Variants in CSMD1 observed in about 807,000 individuals in gnomAD.
CSMD1 encodes CUB and Sushi multiple domains 1.
CSMD1 carries 213 observed loss-of-function variants against 417.5 expected under a neutral mutation model. The observed-to-expected ratio is 0.51, with a 90% CI of 0.46 to 0.57. The LOEUF is 0.57. Ranked by LOEUF, CSMD1 falls within the 20% of genes least tolerant of loss-of-function variation. The probability of loss-of-function intolerance (pLI) is 0.00; values close to 1 mark genes in which losing one functional copy is unlikely to be tolerated. For synonymous variants in CSMD1, 2,862 were observed against 1,736.8 expected (o/e 1.65, Z -16.11); for missense variants, 6,923 against 4,529.7 (o/e 1.53, Z -15.17).
chr8:4,734,292 A>T (rs1810086019), intron 1 of CSMD1, among the ~76,000 whole-genome samples: 1 of 152,188 alleles, frequency 6.6e-6, no homozygotes, highest in Non-Finnish European at 1.5e-5. Flanking sequence ...ATTGAGCAGT[A>T]CTAAAAAAGC....
chr8:4,243,697 C>T (rs779292434), intron 3 of CSMD1, among the ~76,000 whole-genome samples: 1 of 152,096 alleles, frequency 6.6e-6, no homozygotes, highest in Admixed American at 6.6e-5. Context: ...ATTTCCATCT[C>T]ATGGTATCGT....
intron 2 of CSMD1, among the ~76,000 whole-genome samples, chr8:4,465,748 T>C (rs983327866): frequency 3.3e-5 from 5 of 152,152 alleles, no homozygotes; most frequent in Admixed American, 6.5e-5. Context: ...CTCTAGTTTG[T>C]AGGTCATCTA....
chr8:3,135,813 C>A (rs1366544093), intron 41 of CSMD1, among the ~76,000 whole-genome samples: 1 of 152,118 alleles, frequency 6.6e-6, no homozygotes, highest in Admixed American at 6.6e-5. Flanking sequence ...GAAAGTGTTC[C>A]CAAAATGTTT....
chr8:4,541,726 C>T (rs994714761), intron 2 of CSMD1, among the ~76,000 whole-genome samples: 18 of 151,954 alleles, frequency 1.2e-4, no homozygotes, highest in African/African-American at 4.3e-4. Flanking sequence ...CAGAGTGAGA[C>T]CCTGTCTAAA....
intron 1 of CSMD1, among the ~76,000 whole-genome samples, chr8:4,851,661 G>T (rs141610199): frequency 2.0e-5 from 3 of 152,012 alleles, no homozygotes; most frequent in African/African-American, 7.2e-5. Context: ...AATGTCTCCT[G>T]CTCTCCCTCT....
At chr8:3,302,473 T>G (rs1563247242) in intron 25 of CSMD1, among the ~76,000 whole-genome samples, 1 of 152,194 alleles carries the variant, frequency 6.6e-6, no homozygotes, top group Non-Finnish European at 1.5e-5. Flanking sequence ...TATGTGTGAT[T>G]TGAGTTTCAC....
intron 37 of CSMD1, among the ~76,000 whole-genome samples, chr8:3,170,944 A>T (rs1009945072): frequency 6.6e-6 from 1 of 152,212 alleles, no homozygotes. Flanking sequence ...GCCATAATAA[A>T]GCGGGCACAC....
chr8:4,129,513 G>C (rs1052304469), intron 3 of CSMD1, among the ~76,000 whole-genome samples: 2 of 152,130 alleles, frequency 1.3e-5, no homozygotes, highest in African/African-American at 4.8e-5. Context: ...ATGACATTTT[G>C]CCAGGGCATA....
chr8:4,483,692 A>C (rs1801223138), intron 2 of CSMD1, among the ~76,000 whole-genome samples: 1 of 152,200 alleles, frequency 6.6e-6, no homozygotes, highest in South Asian at 2.1e-4. Flanking sequence ...AAAAGCACTG[A>C]TTTTGCTTGT....
chr8:4,639,202 C>T (rs934767170), intron 1 of CSMD1, among the ~76,000 whole-genome samples: 1 of 152,084 alleles, frequency 6.6e-6, no homozygotes, highest in African/African-American at 2.4e-5. Context: ...AAGTTACTTC[C>T]CACATACAAG....
Position 3,894,281 on chromosome 8 carries a change from T to C in CSMD1, c.818+103622A>G, listed in dbSNP as rs532888635. The stretch of plus-strand genomic sequence containing the variant: ...CATCTCCACACTGTAATCTACTTCC[T>C]GTGCACCTGTCTCGCTCCAGTCTCA... On this transcript the variant is annotated intron_variant, in intron 5 of 69. Transcript: ENST00000635120. Among the ~76,000 whole-genome samples the C allele has an allele frequency of 9.8e-5, 15 of 152,326 alleles. No homozygotes were observed. The East Asian group carries it at 2.9e-3, about 29-fold the overall frequency.
chr8:3,729,378 C>A (rs1363064830), intron 6 of CSMD1, among the ~76,000 whole-genome samples: 1 of 152,136 alleles, frequency 6.6e-6, no homozygotes, highest in African/African-American at 2.4e-5. Flanking sequence ...TCGCCTTGGG[C>A]TCAGTTGTGC....
chr8:3,183,446 A>G (rs1353875029), intron 36 of CSMD1, among the ~76,000 whole-genome samples: 1 of 110,290 alleles, frequency 9.1e-6, no homozygotes, highest in Non-Finnish European at 1.8e-5. Flanking sequence ...TCTAACGCCT[A>G]ATCTATCTAT....
rs1401225046 is a variant in CSMD1, at chr8:4,080,610, C to A, written c.416-48511G>T. On this transcript the variant is annotated intron_variant, in intron 3 of 69. Transcript: ENST00000635120. ...GATGTCATAGTTTTTATATTCCTTTCTGGAGTTTAGAAGCTAAATTTTATC... is the reference window on the plus strand; with the variant it reads ...GATGTCATAGTTTTTATATTCCTTTATGGAGTTTAGAAGCTAAATTTTATC... Among the ~76,000 whole-genome samples, 3 of 152,130 alleles carry A rather than the reference C, an allele frequency of 2.0e-5. No homozygotes were observed. In the East Asian group the frequency reaches 5.8e-4, roughly 29 times the overall value.
At chr8:3,962,944 G>C (rs974371970) in intron 5 of CSMD1, among the ~76,000 whole-genome samples, 2 of 151,864 alleles carry the variant, frequency 1.3e-5, no homozygotes, top group South Asian at 4.2e-4. Flanking sequence ...TTTTTGTTTC[G>C]TTTTGTTTTT....
chr8:3,279,941 T>C (rs890609283), intron 26 of CSMD1, among the ~76,000 whole-genome samples: 2 of 152,148 alleles, frequency 1.3e-5, no homozygotes, highest in Admixed American at 1.3e-4. Context: ...AAGGTGAGAT[T>C]TGGGTGGGGA....
intron 1 of CSMD1, among the ~76,000 whole-genome samples, chr8:4,882,754 T>C (rs940066896): frequency 3.3e-5 from 5 of 151,832 alleles, no homozygotes; most frequent in Non-Finnish European, 7.4e-5. Context: ...ATAATAATTA[T>C]CTTTTAAAAA....
chr8:3,396,814 A>C (rs1057323698), intron 16 of CSMD1, among the ~76,000 whole-genome samples: 1 of 152,148 alleles, frequency 6.6e-6, no homozygotes, highest in Non-Finnish European at 1.5e-5. Context: ...TGGGTGCACT[A>C]GAGTGAAATC....
intron 25 of CSMD1, among the ~76,000 whole-genome samples, chr8:3,305,891 AG>A (rs1310122700): frequency 2.0e-5 from 3 of 152,138 alleles, no homozygotes; most frequent in Non-Finnish European, 4.4e-5. Flanking sequence ...CATGTTAGCC[AG>A]GATGATCTTG....
Sources: gnomAD v4.1 joint callset for allele counts (sites outside exome capture counted in the v4.1 genomes callset) on GRCh38, gnomAD v4.1.1 for gene constraint, MANE v1.5 for transcripts, NCBI Gene and HGNC (gene_info 2026-07-23, HGNC 2026-07-21) for gene names.